Variants in TPP2 observed in about 807,000 individuals in gnomAD.
TPP2 encodes tripeptidyl-peptidase 2.
TPP2 carries 34 observed loss-of-function variants against 155.9 expected under a neutral mutation model. The ratio of observed to expected loss-of-function variants is 0.22; its 90% CI spans 0.17 to 0.29. The LOEUF (loss-of-function observed/expected upper bound fraction) is 0.29. Ranked by LOEUF, TPP2 falls within the 10% of genes least tolerant of loss-of-function variation. The probability of loss-of-function intolerance (pLI) is 1.00; values close to 1 mark genes in which losing one functional copy is unlikely to be tolerated. For missense variants in TPP2, 1,028 were observed against 1,522.3 expected (o/e 0.68, Z 5.40); for synonymous variants, 510 against 529.4 (o/e 0.96, Z 0.50).
intron 3 of TPP2, 128 bp from the exon 4 acceptor site, chr13:102,616,268 T>C (rs1344937368): frequency 1.2e-5 from 9 of 721,228 alleles, no homozygotes; most frequent in Non-Finnish European, 1.9e-5. Context: ...AAAATGATTT[T>C]TTAAAACCTC....
intron 24 of TPP2, among the ~76,000 whole-genome samples, chr13:102,652,590 G>A (rs1230741855): frequency 6.6e-6 from 1 of 151,534 alleles, no homozygotes; most frequent in Admixed American, 6.6e-5. Flanking sequence ...TTAATTAGTA[G>A]TGATATGGAA....
At chr13:102,603,696 G>A (rs1251903178) in intron 1 of TPP2, among the ~76,000 whole-genome samples, 1 of 152,146 alleles carries the variant, frequency 6.6e-6, no homozygotes, top group African/African-American at 2.4e-5. Flanking sequence ...TTAAAGGAGA[G>A]GACTGATAAA....
At chr13:102,654,014 C>T (rs1883680471) in intron 24 of TPP2, among the ~76,000 whole-genome samples, 1 of 152,148 alleles carries the variant, frequency 6.6e-6, no homozygotes, top group Admixed American at 6.6e-5. Context: ...ATCTTCATAG[C>T]ATTTCTGCTC....
At chr13:102,603,012 T>G (rs1315754857) in intron 1 of TPP2, among the ~76,000 whole-genome samples, 2 of 152,174 alleles carry the variant, frequency 1.3e-5, no homozygotes, top group Non-Finnish European at 2.9e-5. Context: ...TGCAACAAAT[T>G]CCCTTTGGAA....
chr13:102,674,529 G>T, intron 28 of TPP2, 39 bp downstream of exon 28: 1 of 1,605,250 alleles, frequency 6.2e-7, no homozygotes, highest in Non-Finnish European at 8.5e-7. Context: ...AGTTCTTGGG[G>T]TTACCTCACA....
chr13:102,603,611 C>CG (rs1269331082), intron 1 of TPP2, among the ~76,000 whole-genome samples: 3 of 152,082 alleles, frequency 2.0e-5, no homozygotes, highest in Non-Finnish European at 4.4e-5. Flanking sequence ...TCCTGAGTAA[C>CG]GGGGTGGCAG....
Position 102,637,074 on chromosome 13 carries a change from C to T in TPP2, c.1679-8C>T, listed in dbSNP as rs753683868. 2.8e-5 allele frequency: 44 copies of T among 1,562,892 alleles called. No homozygotes were observed. Among genetic ancestry groups the T allele is most frequent in the Non-Finnish European group, 3.4e-5 (40 of 1,161,630 alleles). ...CTCATCTTTAATTTTTGGTCTTTTT[C>T]GTGCCAGAAAACTCTGAAAAAATAT... On this transcript the variant is annotated splice_region_variant and splice_polypyrimidine_tract_variant and intron_variant, in intron 13 of 29. Transcript: ENST00000376052.
chr13:102,672,397 A>G (rs923787485), intron 27 of TPP2, among the ~76,000 whole-genome samples: 1 of 152,184 alleles, frequency 6.6e-6, no homozygotes, highest in Non-Finnish European at 1.5e-5. Flanking sequence ...TATCTAGATA[A>G]GTTTCTTTAC....
chr13:102,616,671 A>G lies in TPP2; in HGVS notation c.495+171A>G, dbSNP rs540474356. 3.3e-5 allele frequency among the ~76,000 whole-genome samples: 5 copies of G among 152,310 alleles called. No homozygotes were observed. In the South Asian group the frequency reaches 8.3e-4, roughly 25 times the overall value. On this transcript the variant is annotated intron_variant, in intron 4 of 29. Transcript: ENST00000376052. Reference sequence around the variant, plus strand: ...ATTATTTATCCTCAAGTCAATGTACATATGTATGAATTTTTAAAATTTAAC... The same window carrying G: ...ATTATTTATCCTCAAGTCAATGTACGTATGTATGAATTTTTAAAATTTAAC...
At chr13:102,631,767 T>C (rs1028956657) in intron 10 of TPP2, among the ~76,000 whole-genome samples, 1 of 152,238 alleles carries the variant, frequency 6.6e-6, no homozygotes, top group African/African-American at 2.4e-5. Flanking sequence ...GAAATAATAT[T>C]AGAAATAATT....
At chr13:102,647,901 A>G (rs760002268) in intron 21 of TPP2, among the ~76,000 whole-genome samples, 1 of 152,230 alleles carries the variant, frequency 6.6e-6, no homozygotes, top group Non-Finnish European at 1.5e-5. Context: ...TATTACTGCA[A>G]AGAAATGAGA....
chr13:102,649,340 TC>T, intron 22 of TPP2, 67 bp from the exon 23 acceptor site: 1 of 1,523,462 alleles, frequency 6.6e-7, no homozygotes, highest in South Asian at 1.2e-5. Context: ...TTCATGTTTT[TC>T]CCCTTACTTG....
chr13:102,631,569 T>C (rs1253652026), intron 10 of TPP2: 2 of 152,238 alleles, frequency 1.3e-5, no homozygotes, highest in African/African-American at 2.4e-5. Flanking sequence ...TTATTGTCAA[T>C]GTAAAAACAA....
At chr13:102,652,083 A>T (rs993746381) in intron 24 of TPP2, among the ~76,000 whole-genome samples, 10 of 152,080 alleles carry the variant, frequency 6.6e-5, no homozygotes, top group African/African-American at 2.2e-4. Flanking sequence ...TCTGCTATAA[A>T]TATATTTTAG....
chr13:102,659,001 A>G (rs1884033827), intron 25 of TPP2, among the ~76,000 whole-genome samples: 1 of 152,220 alleles, frequency 6.6e-6, no homozygotes, highest in African/African-American at 2.4e-5. Flanking sequence ...GTGTCACTCA[A>G]AGAAAAACAT....
chr13:102,664,386 G>T (rs1884450760), intron 26 of TPP2, among the ~76,000 whole-genome samples: 1 of 152,118 alleles, frequency 6.6e-6, no homozygotes, highest in Admixed American at 6.5e-5. Context: ...GGTTTCATCA[G>T]CTAGGGCTTT....
chr13:102,606,860 C>G (rs922736082), intron 2 of TPP2, among the ~76,000 whole-genome samples: 1 of 152,234 alleles, frequency 6.6e-6, no homozygotes, highest in Non-Finnish European at 1.5e-5. Flanking sequence ...AACTGATTAT[C>G]TGTGTCCCCA....
intron 28 of TPP2, among the ~76,000 whole-genome samples, chr13:102,675,716 T>G (rs945752728): frequency 2.0e-5 from 3 of 152,212 alleles, no homozygotes; most frequent in Non-Finnish European, 4.4e-5. Flanking sequence ...CTATTACCTG[T>G]TTACTGTGTT....
intron 27 of TPP2, among the ~76,000 whole-genome samples, chr13:102,669,497 A>G (rs544872517): frequency 1.3e-5 from 2 of 152,334 alleles, no homozygotes; most frequent in Admixed American, 6.5e-5. Context: ...AAGAGCATGT[A>G]TGCTAATTAG....
Sources: gnomAD v4.1 joint callset for allele counts (sites outside exome capture counted in the v4.1 genomes callset) on GRCh38, gnomAD v4.1.1 for gene constraint, MANE v1.5 for transcripts, NCBI Gene and HGNC (gene_info 2026-07-23, HGNC 2026-07-21) for gene names.